HCN1: variants seen among roughly 807,000 people sequenced by gnomAD.
HCN1 encodes the protein potassium/sodium hyperpolarization-activated cyclic nucleotide-gated channel 1.
Under a neutral mutation model 78.9 loss-of-function variants are expected in HCN1, and 13 were observed. The observed-to-expected ratio is 0.16, with a 90% confidence interval of 0.11 to 0.26. HCN1 has a LOEUF of 0.26. HCN1 is among the 10% of genes least tolerant of loss of function. HCN1 has a pLI of 1.00. For missense variants in HCN1, 810 were observed against 1,154.3 expected, an observed-to-expected ratio of 0.70 and a Z score of 4.32; for synonymous variants, 552 against 455.5, an observed-to-expected ratio of 1.21 and a Z score of -2.70.
intron 5 of HCN1, among the ~76,000 whole-genome samples, chr5:45,317,602 G>C (rs368183313): frequency 2.8e-5 from 4 of 141,976 alleles, no homozygotes; most frequent in Admixed American, 2.1e-4. Context: ...CACAGCAAAA[G>C]AAACTACCAT....
intron 2 of HCN1, among the ~76,000 whole-genome samples, chr5:45,496,589 C>A (rs1180458070): frequency 1.3e-5 from 2 of 152,104 alleles, no homozygotes; most frequent in African/African-American, 4.8e-5. Flanking sequence ...TTTGATACTT[C>A]TCTCTTTTTT....
At chr5:45,426,720 C>A (rs1367078597) in intron 3 of HCN1, among the ~76,000 whole-genome samples, 1 of 152,084 alleles carries the variant, frequency 6.6e-6, no homozygotes, top group African/African-American at 2.4e-5. Context: ...AATACAGTCC[C>A]TGAGAAGAAT....
At chr5:45,492,392 AATAT>A (rs35781186) in intron 2 of HCN1, among the ~76,000 whole-genome samples, 10,618 of 121,228 alleles carry the variant, frequency 0.088, 454 homozygotes, top group East Asian at 0.14. Flanking sequence ...TCTTTAAATG[AATAT>A]ATATATATAT....
chr5:45,331,591 A>G, intron 5 of HCN1, among the ~76,000 whole-genome samples: 1 of 151,338 alleles, frequency 6.6e-6, no homozygotes, highest in East Asian at 1.9e-4. Flanking sequence ...AATTCAACTC[A>G]AGAGCTCAGA....
At chr5:45,264,490 T>G (rs1191262056) in intron 7 of HCN1, among the ~76,000 whole-genome samples, 2 of 152,230 alleles carry the variant, frequency 1.3e-5, no homozygotes, top group Non-Finnish European at 2.9e-5. Flanking sequence ...AATATATTTT[T>G]GAAGATAAAT....
intron 3 of HCN1, among the ~76,000 whole-genome samples, chr5:45,458,388 TAGCATGTTTGTCA>T (rs1232605663): frequency 1.3e-5 from 2 of 152,152 alleles, no homozygotes; most frequent in African/African-American, 4.8e-5. Context: ...CCTAAGGTCA[TAGCATGTTTGTCA>T]AGCCCAAACC....
At chr5:45,541,653 G>A (rs564533463) in intron 2 of HCN1, among the ~76,000 whole-genome samples, 1 of 150,408 alleles carries the variant, frequency 6.6e-6, no homozygotes, top group Non-Finnish European at 1.5e-5. Context: ...AACACATAAT[G>A]TGCATTTAAC....
chr5:45,413,973 C>T (rs962051076), intron 3 of HCN1, among the ~76,000 whole-genome samples: 2 of 151,926 alleles, frequency 1.3e-5, no homozygotes, highest in African/African-American at 4.8e-5. Context: ...TATTTTGAAG[C>T]TCAACAAATT....
At chr5:45,573,240 C>A (rs1255703334) in intron 2 of HCN1, among the ~76,000 whole-genome samples, 5 of 152,098 alleles carry the variant, frequency 3.3e-5, no homozygotes, top group Admixed American at 6.6e-5. Flanking sequence ...TTCTGCTCTT[C>A]TTCCCCAAAC....
rs1745292781 is a variant in HCN1 at position 45,287,592 on chromosome 5, G to T, written c.1618+16007C>A. Among the ~76,000 whole-genome samples the T allele has an allele frequency of 7.2e-5, 11 of 152,082 alleles. No homozygotes were observed. In the South Asian group the frequency reaches 2.3e-3, roughly 32 times the overall value. ...CTAGAGTATGATTTCTTATGTGTGT[G>T]CTCACAATTCAATTTTGTTTATAGT... On this transcript the variant is annotated intron_variant, in intron 6 of 7. Coordinates refer to ENST00000303230, the MANE Select transcript of HCN1 (RefSeq NM_021072.4).
chr5:45,327,986 A>T (rs950558036), intron 5 of HCN1, among the ~76,000 whole-genome samples: 2 of 151,628 alleles, frequency 1.3e-5, no homozygotes, highest in Non-Finnish European at 3.0e-5. Flanking sequence ...CTAATACAGC[A>T]AGTTAGGCTG....
chr5:45,639,811 G>A (rs1389003277), intron 2 of HCN1, among the ~76,000 whole-genome samples: 3 of 152,078 alleles, frequency 2.0e-5, no homozygotes, highest in Non-Finnish European at 4.4e-5. Context: ...CTCTATCCAC[G>A]GTGGCCTCCA....
intron 4 of HCN1, among the ~76,000 whole-genome samples, chr5:45,373,993 AAT>A: frequency 1.2e-5 from 1 of 81,550 alleles, no homozygotes; most frequent in South Asian, 3.0e-4. Flanking sequence ...TAATATATAT[AAT>A]ATATATTATA....
At chr5:45,364,277 A>T (rs986677589) in intron 4 of HCN1, among the ~76,000 whole-genome samples, 6 of 152,108 alleles carry the variant, frequency 3.9e-5, no homozygotes, top group African/African-American at 1.2e-4. Context: ...AGTTACTATC[A>T]ATATACCACC....
At chr5:45,596,059 C>A (rs1226594374) in intron 2 of HCN1, among the ~76,000 whole-genome samples, 1 of 151,462 alleles carries the variant, frequency 6.6e-6, no homozygotes, top group Non-Finnish European at 1.5e-5. Flanking sequence ...CCACACCCGG[C>A]TAATTTTTTT....
chr5:45,377,396 A>C (rs1296706892), intron 4 of HCN1, among the ~76,000 whole-genome samples: 1 of 152,014 alleles, frequency 6.6e-6, no homozygotes, highest in African/African-American at 2.4e-5. Flanking sequence ...TAATCAAAAC[A>C]AATGTGTTTA....
chr5:45,285,370 C>A (rs541853553), intron 6 of HCN1, among the ~76,000 whole-genome samples: 2 of 146,694 alleles, frequency 1.4e-5, no homozygotes, highest in Admixed American at 1.4e-4. Context: ...AATTTCACAT[C>A]CTCTGCGGCC....
rs570811775 is a variant in HCN1, at chr5:45,383,027, G to A, written c.1230+13465C>T. 2.7e-5 allele frequency among the ~76,000 whole-genome samples: 4 copies of A among 150,288 alleles called. No homozygotes were observed. In the East Asian group the frequency reaches 5.8e-4, roughly 22 times the overall value. ...CTCTATATAGGAGGTTTGTCATAAC[G>A]TTTGTTTGTAAAGTGTTATTGAGTA... On this transcript the variant is annotated intron_variant, in intron 4 of 7. Transcript: ENST00000303230.
At chr5:45,664,377 C>T (rs1448020438) in intron 1 of HCN1, among the ~76,000 whole-genome samples, 7 of 141,792 alleles carry the variant, frequency 4.9e-5, no homozygotes, top group Non-Finnish European at 9.1e-5. Flanking sequence ...TTAGTGGGTG[C>T]AGCGCACCAG....
Sources: allele counts gnomAD v4.1 joint callset (sites outside exome capture counted in the v4.1 genomes callset), GRCh38; gene constraint gnomAD v4.1.1; transcripts MANE v1.5; gene names NCBI Gene and HGNC (gene_info 2026-07-23, HGNC 2026-07-21).